The following AGGF1 variants were observed in gnomAD, a reference collection of about 807,000 sequenced individuals.
The protein encoded by AGGF1 is angiogenic factor with G patch and FHA domains 1.
A neutral mutation model predicts 86.5 loss-of-function variants in AGGF1; 56 were observed. The observed-to-expected ratio is 0.65, with a 90% CI of 0.52 to 0.81. The LOEUF (loss-of-function observed/expected upper bound fraction) is 0.81, where lower values mean the gene tolerates loss of function less well. Among genes scored for constraint, AGGF1 ranks in the 30% least tolerant of loss-of-function variants. The pLI, the probability that AGGF1 is intolerant of heterozygous loss-of-function variation, is 0.00. For synonymous variants in AGGF1, 313 were observed against 297.1 expected, an observed-to-expected ratio of 1.05 and a Z score of -0.55; for missense variants, 816 against 850.9, an observed-to-expected ratio of 0.96 and a Z score of 0.51.
rs745453634 is a variant in AGGF1, at chr5:77,055,586, A to C, written c.1706A>C (p.Tyr569Ser). 4 of 1,583,404 alleles carry C rather than the reference A, an allele frequency of 2.5e-6. No individual in the cohort carries two copies. The South Asian group carries it at 3.3e-5, about 13-fold the overall frequency. ...GAATTAAAGAAAATACGAGTAAAAT[A>C]TGGTTTACAGGTGAGGATGTTGAAT... ...RKELKKIRVK[Y>S]GLQNTEYEDE... Residue 569 changes from tyrosine (Y) to serine (S), a missense_variant, in exon 11 of 14, where the codon TAT becomes TCT. By Grantham distance (144) the Tyr-to-Ser change is moderately radical. This residue lies in a region of AGGF1 where 565 missense variants were observed against 585.8 expected (regional missense o/e 0.96). Coordinates refer to ENST00000312916, the MANE Select transcript of AGGF1 (RefSeq NM_018046.5).
intron 3 of AGGF1, 151 bp downstream of exon 3, chr5:77,035,894 T>C: frequency 1.3e-6 from 1 of 750,814 alleles, no homozygotes; most frequent in South Asian, 1.7e-5. Context: ...AATGTTGTAG[T>C]TTTTCCAAAA....
At position 77,050,306 on chromosome 5, in the gene AGGF1, C is replaced by CTTTTTTT. The variant is rs10595061; in HGVS notation, c.1365+1342_1365+1348dup. On this transcript the variant is annotated intron_variant, in intron 8 of 13. Transcript: ENST00000312916. ...GGTGGCTTTTTCTTTTTCTTTGTTT[C>CTTTTTTT]TTTTTTTTTTTTTTTTTTTTTTTTT... 5.4e-3 allele frequency among the ~76,000 whole-genome samples: 412 copies of CTTTTTTT among 76,584 alleles called. 1 individual carries two copies. Among genetic ancestry groups the CTTTTTTT allele is most frequent in the African/African-American group, 6.1e-3 (105 of 17,298 alleles). The allele number at this position is 76,584 out of a possible 152,430, so 50.2% of individuals were successfully genotyped here. A position where few individuals can be genotyped will look rare whatever the true frequency, so the allele number is the denominator to read the frequency against.
chr5:77,053,438 G>A (rs551102007), intron 9 of AGGF1, among the ~76,000 whole-genome samples: 3 of 152,228 alleles, frequency 2.0e-5, no homozygotes, highest in Non-Finnish European at 4.4e-5. Flanking sequence ...AGAATCGTTT[G>A]CACCGGGGAG....
intron 6 of AGGF1, 64 bp downstream of exon 6, chr5:77,046,741 T>C (rs1580130752): frequency 7.0e-7 from 1 of 1,422,102 alleles, no homozygotes; most frequent in East Asian, 2.3e-5. Context: ...AGCAAAACCA[T>C]TAAAAATGTT....
chr5:77,042,497 C>A (rs1447973103), intron 5 of AGGF1, among the ~76,000 whole-genome samples: 3 of 87,622 alleles, frequency 3.4e-5, no homozygotes, highest in African/African-American at 7.2e-5. Flanking sequence ...GGGGCTGACC[C>A]CCCCCACCTC....
At chr5:77,039,835 A>T in intron 5 of AGGF1, 116 bp downstream of exon 5, 1 of 879,434 alleles carries the variant, frequency 1.1e-6, no homozygotes, top group Non-Finnish European at 1.7e-6. Flanking sequence ...CATACCCATT[A>T]AGATAACCTA....
rs79340931 is a variant in AGGF1 at position 77,037,430 on chromosome 5, G to A, written c.681+710G>A. On this transcript the variant is annotated intron_variant, in intron 4 of 13. Transcript: ENST00000312916. ...TTCTTTCTTGAATTCTTAGTAGTAT[G>A]TTTATTATTAGCCAGTGTTTTATAT... Among the ~76,000 whole-genome samples, 223 of 152,244 alleles carry A rather than the reference G, an allele frequency of 1.5e-3. 4 individuals are homozygous for A. The East Asian group carries it at 0.036, about 25-fold the overall frequency.
intron 4 of AGGF1, among the ~76,000 whole-genome samples, chr5:77,039,188 A>G (rs976868697): frequency 2.6e-5 from 4 of 152,082 alleles, no homozygotes; most frequent in African/African-American, 7.2e-5. Context: ...TTTAGTTTTC[A>G]TGCCTTTAAA....
chr5:77,059,951 C>T (rs1323036926), intron 12 of AGGF1, among the ~76,000 whole-genome samples: 2 of 152,206 alleles, frequency 1.3e-5, no homozygotes, highest in Non-Finnish European at 2.9e-5. Context: ...AGGCGATTCT[C>T]CTGCCTCAGC....
At chr5:77,034,709 G>A (rs1278227637) in intron 2 of AGGF1, among the ~76,000 whole-genome samples, 189 bp downstream of exon 2, 1 of 151,996 alleles carries the variant, frequency 6.6e-6, no homozygotes, top group Non-Finnish European at 1.5e-5. Context: ...AAGTAGAAAT[G>A]TATTGTCATT....
Position 77,052,753 on chromosome 5 carries a change from T to C in AGGF1, c.1413T>C (p.Leu471=), listed in dbSNP as rs766743383. ...ACCATGACTTACAAAGTTATGTCCT[T>C]GTGGATCAAGGCAGTCAAAATGGCA... ...YFDHDLQSYV[L]VDQGSQNGTI... is the part of the protein sequence containing the mutation. The change falls in exon 9 of 14, where the codon CTT becomes CTC. Residue 471 remains leucine (L), a synonymous_variant. Coordinates refer to ENST00000312916, the MANE Select transcript of AGGF1 (RefSeq NM_018046.5). 1.2e-6 allele frequency: 2 copies of C among 1,613,850 alleles called. No individual in the cohort carries two copies. Among genetic ancestry groups the C allele is most frequent in the Admixed American group, 1.7e-5 (1 of 60,026 alleles).
chr5:77,055,457 A>G, intron 10 of AGGF1, 57 bp from the exon 11 acceptor site: 1 of 1,167,206 alleles, frequency 8.6e-7, no homozygotes. Context: ...ATTAGTTTTA[A>G]TTTTGTACAA....
intron 9 of AGGF1, 80 bp from the exon 10 acceptor site, chr5:77,053,885 T>C (rs1747417828): frequency 2.2e-6 from 3 of 1,384,108 alleles, no homozygotes; most frequent in Non-Finnish European, 3.0e-6. Flanking sequence ...AAAATTATAA[T>C]CAGACATTAC....
intron 5 of AGGF1, among the ~76,000 whole-genome samples, chr5:77,043,693 C>T (rs1297410751): frequency 2.1e-5 from 3 of 142,464 alleles, no homozygotes; most frequent in Non-Finnish European, 4.7e-5. Flanking sequence ...CCCCCCACCT[C>T]CCTCCCGGAC....
chr5:77,057,704 C>T (rs911977018), intron 11 of AGGF1, among the ~76,000 whole-genome samples: 2 of 152,218 alleles, frequency 1.3e-5, no homozygotes, highest in Non-Finnish European at 2.9e-5. Flanking sequence ...AATGGAGTCT[C>T]AACTGTGTGT....
At chr5:77,059,458 A>G (rs1747515250) in intron 11 of AGGF1, among the ~76,000 whole-genome samples, 158 bp from the exon 12 acceptor site, 2 of 152,164 alleles carry the variant, frequency 1.3e-5, no homozygotes, top group Non-Finnish European at 2.9e-5. Context: ...CTAGGATTAT[A>G]GGCATGAGCC....
rs774742896 is a variant in AGGF1, at chr5:77,055,530, T to C, written c.1650T>C (p.Ser550=). 4 of 1,603,262 alleles carry C rather than the reference T, an allele frequency of 2.5e-6. No individual in the cohort carries two copies. The South Asian group carries it at 4.4e-5, about 18-fold the overall frequency. ...TTCTTTCAGTTGGTCCAACACTAAG[T>C]AAGGAGGAAAAAGAGTTGGAAAGAA... ...KDESFVGPTL[S]KEEKELERRK... Residue 550 remains serine (S), a synonymous_variant, in exon 11 of 14, where the codon AGT becomes AGC. Transcript: ENST00000312916.
At chr5:77,052,209 C>G (rs545369224) in intron 8 of AGGF1, among the ~76,000 whole-genome samples, 2 of 152,128 alleles carry the variant, frequency 1.3e-5, no homozygotes, top group South Asian at 4.1e-4. Flanking sequence ...AAAAATTAAC[C>G]AGGTATGGTG....
rs549099978 is a variant in AGGF1, at chr5:77,044,076, G to C, written c.871-2271G>C. Among the ~76,000 whole-genome samples, 681 of 135,910 alleles carry C rather than the reference G, an allele frequency of 5.0e-3. 4 individuals carry two copies. Among genetic ancestry groups the C allele is most frequent in the Admixed American group, 0.013 (167 of 13,290 alleles). The allele number at this position is 135,910 out of a possible 152,430, so 89.2% of individuals were successfully genotyped here. On this transcript the variant is annotated intron_variant, in intron 5 of 13. Transcript: ENST00000312916. ...CTAGATGGGATGGCGGCCGGGCGGA[G>C]ACGCTCCTCACTTTCCAGACTGGGC...
Sources: allele counts gnomAD v4.1 joint callset (sites outside exome capture counted in the v4.1 genomes callset), GRCh38; gene constraint gnomAD v4.1.1; regional missense constraint gnomAD v4.1.1; transcripts MANE v1.5; gene names NCBI Gene and HGNC (gene_info 2026-07-23, HGNC 2026-07-21).